Variants in RUFY4 observed in about 807,000 individuals in gnomAD.
RUFY4 encodes the protein RUN and FYVE domain containing 4.
RUFY4 carries 73 observed loss-of-function variants against 69.0 expected under a neutral mutation model. That is an observed-to-expected ratio of 1.06 (90% confidence interval 0.88 to 1.29). The LOEUF (loss-of-function observed/expected upper bound fraction) is 1.29. Ranked by LOEUF, RUFY4 falls within the 50% of genes most tolerant of loss-of-function variation. The pLI is 0.00. For synonymous variants in RUFY4, 287 were observed against 271.8 expected (o/e 1.06, Z -0.55); for missense variants, 770 against 705.6 (o/e 1.09, Z -1.03).
chr2:218,072,683 T>C, intron 3 of RUFY4, 96 bp from the exon 6 acceptor site: 1 of 1,297,286 alleles, frequency 7.7e-7, no homozygotes, highest in East Asian at 2.5e-5. Flanking sequence ...CCTGCACCCT[T>C]CCCATTGCCA....
At chr2:218,052,707 G>A (rs1688972299) in intron 2 of RUFY4, among the ~76,000 whole-genome samples, 1 of 151,270 alleles carries the variant, frequency 6.6e-6, no homozygotes, top group Non-Finnish European at 1.5e-5. Flanking sequence ...ACCAGCCTGG[G>A]CATCATAGCA....
intron 3 of RUFY4, among the ~76,000 whole-genome samples, chr2:218,062,952 G>A (rs529385646): frequency 1.3e-5 from 2 of 152,210 alleles, no homozygotes; most frequent in South Asian, 2.1e-4. Flanking sequence ...CAGCCTTGCT[G>A]GGGACCCTCC....
Position 218,083,257 on chromosome 2 carries a change from G to A in RUFY4, c.1502+1G>A, listed in dbSNP as rs1689809576. ...AGAGGCGGGTGTTGGAACTGATCCA[G>A]TAAGGACGGGGACAGTGGGAAAGGG... On this transcript the variant is annotated splice_donor_variant, in intron 9 of 10. Coordinates refer to ENST00000344321, the Ensembl canonical transcript of RUFY4. LOFTEE classifies it high-confidence loss of function. 1.9e-6 allele frequency: 3 copies of A among 1,597,198 alleles called. No homozygotes were observed. Among genetic ancestry groups the A allele is most frequent in the African/African-American group, 1.3e-5 (1 of 74,568 alleles).
intron 4 of RUFY4, 84 bp from the exon 7 acceptor site, chr2:218,073,159 G>C: frequency 6.7e-7 from 1 of 1,490,432 alleles, no homozygotes; most frequent in Non-Finnish European, 9.0e-7. Flanking sequence ...GCTTTGTTGA[G>C]GTTGAGCTGG....
In RUFY4 at chr2:218,083,104, A is replaced by C; in HGVS notation, c.1356-6A>C. Reference sequence around the variant, plus strand: ...CCTGAGAACCTAGTCTTCCTTCTGTACCCAGGTGTCAGGAAGAGAGAGCCG... The same window carrying C: ...CCTGAGAACCTAGTCTTCCTTCTGTCCCCAGGTGTCAGGAAGAGAGAGCCG... On this transcript the variant is annotated splice_polypyrimidine_tract_variant and splice_region_variant and intron_variant, in intron 8 of 10. Coordinates refer to ENST00000344321, the Ensembl canonical transcript of RUFY4. 1 of 1,612,542 alleles carries C rather than the reference A, an allele frequency of 6.2e-7. No homozygotes were observed. The highest frequency in any genetic ancestry group is 8.5e-7 in the Non-Finnish European group (1 of 1,179,690).
intron 2 of RUFY4, among the ~76,000 whole-genome samples, chr2:218,043,834 G>A (rs1396455543): frequency 1.3e-5 from 2 of 152,212 alleles, no homozygotes; most frequent in African/African-American, 4.8e-5. Context: ...CATCCAGGCT[G>A]CTCAGACGAA....
At chr2:218,057,570 C>T (rs1288180756) in intron 2 of RUFY4, among the ~76,000 whole-genome samples, 1 of 152,096 alleles carries the variant, frequency 6.6e-6, no homozygotes, top group African/African-American at 2.4e-5. Context: ...AACTATAAGA[C>T]CTGCCTGTTT....
At chr2:218,039,463 G>A (rs1959029085) in intron 2 of RUFY4, among the ~76,000 whole-genome samples, 2 of 152,184 alleles carry the variant, frequency 1.3e-5, no homozygotes, top group Non-Finnish European at 2.9e-5. Flanking sequence ...ACTTACTATA[G>A]TCCCTGAAAG....
intron 2 of RUFY4, among the ~76,000 whole-genome samples, chr2:218,053,083 C>T (rs943141406): frequency 1.3e-5 from 2 of 152,070 alleles, no homozygotes; most frequent in African/African-American, 4.8e-5. Context: ...CCTCAGCCTC[C>T]TAGGTAGCTG....
upstream of RUFY4, among the ~76,000 whole-genome samples, chr2:218,064,480 T>C (rs1272110894): frequency 1.3e-5 from 2 of 152,076 alleles, no homozygotes; most frequent in African/African-American, 4.8e-5. Context: ...ATCCACATCC[T>C]CCCTCGCTCC....
At chr2:218,089,578 G>A (rs558631861) in intron 10 of RUFY4, 73 of 666,268 alleles carry the variant, frequency 1.1e-4, no homozygotes, top group Non-Finnish European at 1.6e-4. Flanking sequence ...GGGGTCCGGG[G>A]AGTGGGATTG....
upstream of RUFY4, among the ~76,000 whole-genome samples, chr2:218,069,735 C>T (rs538238473): frequency 7.8e-4 from 119 of 152,212 alleles, no homozygotes; most frequent in African/African-American, 2.7e-3. Context: ...ACCACTGCCA[C>T]CCCACCCCAA....
rs373817836 is a variant in RUFY4, at chr2:218,042,742, G to A, written c.-1158+7348G>A. ...TCAGCTTGAAGGGCTCGGGAAAGGG[G>A]CAGTTTTAATTTTTAGTGAAACCAG... On this transcript the variant is annotated intron_variant and NMD_transcript_variant, in intron 2 of 13. Coordinates refer to the RUFY4 transcript ENST00000457754. Among the ~76,000 whole-genome samples, 8 of 152,162 alleles carry A rather than the reference G, an allele frequency of 5.3e-5. No individual in the cohort carries two copies. The East Asian group carries it at 1.2e-3, about 22-fold the overall frequency.
chr2:218,083,028 C>A, intron 8 of RUFY4, 82 bp from the exon 11 acceptor site: 5 of 1,415,638 alleles, frequency 3.5e-6, no homozygotes, highest in Non-Finnish European at 4.6e-6. Context: ...CATGGGCTCC[C>A]TCTCTGGAAG....
At chr2:218,064,371 A>T (rs1471753786), upstream of RUFY4, among the ~76,000 whole-genome samples, 1 of 151,582 alleles carries the variant, frequency 6.6e-6, no homozygotes, top group East Asian at 1.9e-4. Flanking sequence ...CTCCTCTCCA[A>T]CTCCCTGCCC....
intron 9 of RUFY4, among the ~76,000 whole-genome samples, chr2:218,084,638 T>G (rs1689848473): frequency 6.6e-6 from 1 of 152,230 alleles, no homozygotes. Context: ...AAGAATTTAC[T>G]GTCAATTGGG....
chr2:218,082,016 T>C (rs1388631537), intron 8 of RUFY4, among the ~76,000 whole-genome samples: 1 of 152,234 alleles, frequency 6.6e-6, no homozygotes, highest in Non-Finnish European at 1.5e-5. Context: ...CTCTCACGCA[T>C]GCCACCTGCC....
At chr2:218,080,342 G>A (rs1247412336) in intron 8 of RUFY4, among the ~76,000 whole-genome samples, 1 of 152,194 alleles carries the variant, frequency 6.6e-6, no homozygotes, top group Non-Finnish European at 1.5e-5. Flanking sequence ...CAGGCTGGGG[G>A]CAGAGGTGAG....
chr2:218,041,249 C>T lies in RUFY4; in HGVS notation c.-1158+5855C>T, dbSNP rs974765695. 5.9e-5 allele frequency among the ~76,000 whole-genome samples: 9 copies of T among 152,232 alleles called. 1 individual carries two copies. The highest frequency in any genetic ancestry group is 5.9e-4 in the Admixed American group (9 of 15,294). ...CCAACCTGGACAGTGACTCTCCATG[C>T]CTACTCTTCCCCAAATTGCTTTGGC... On this transcript the variant is annotated intron_variant and NMD_transcript_variant, in intron 2 of 13. Coordinates refer to the RUFY4 transcript ENST00000457754.
Sources: allele counts gnomAD v4.1 joint callset (sites outside exome capture counted in the v4.1 genomes callset), GRCh38; gene constraint gnomAD v4.1.1; transcripts MANE v1.5; gene names NCBI Gene and HGNC (gene_info 2026-07-23, HGNC 2026-07-21).